PAX7: variants seen among roughly 807,000 people sequenced by gnomAD.
The protein encoded by PAX7 is paired box 7, also known as paired box protein Pax-7.
In PAX7, 18 loss-of-function variants were observed where a neutral mutation model predicts 50.7. That is an observed-to-expected ratio of 0.36 (90% CI 0.25 to 0.53). The LOEUF is 0.53. PAX7 is among the 20% of genes least tolerant of loss of function. The pLI is 0.93. For synonymous variants in PAX7, 310 were observed against 290.4 expected (o/e 1.07, Z -0.69); for missense variants, 644 against 702.9 (o/e 0.92, Z 0.95).
At chr1:18,731,373 C>G (rs2089645047) in intron 7 of PAX7, among the ~76,000 whole-genome samples, 1 of 152,202 alleles carries the variant, frequency 6.6e-6, no homozygotes, top group South Asian at 2.1e-4. Context: ...CTCTCCAGCA[C>G]AGCTGGTGGC....
At chr1:18,687,144 G>C (rs187792135) in intron 4 of PAX7, among the ~76,000 whole-genome samples, 128 of 152,122 alleles carry the variant, frequency 8.4e-4, no homozygotes, top group Middle Eastern at 3.4e-3. Flanking sequence ...ACCCGCCTCA[G>C]CCTCCCAAAG....
intron 4 of PAX7, among the ~76,000 whole-genome samples, chr1:18,665,914 C>T (rs922820548): frequency 2.0e-5 from 3 of 152,140 alleles, no homozygotes; most frequent in South Asian, 2.1e-4. Flanking sequence ...TCTGGTGATC[C>T]GCCTGCTTCA....
chr1:18,637,735 G>A (rs1277243870), intron 4 of PAX7, among the ~76,000 whole-genome samples: 1 of 152,280 alleles, frequency 6.6e-6, no homozygotes, highest in African/African-American at 2.4e-5. Flanking sequence ...GGGTGGCCGG[G>A]CAGCCCCGTG....
intron 5 of PAX7, among the ~76,000 whole-genome samples, chr1:18,694,410 G>T (rs1450893916): frequency 6.6e-6 from 1 of 151,734 alleles, no homozygotes; most frequent in Non-Finnish European, 1.5e-5. Flanking sequence ...AGTGAGCCGA[G>T]ATCATGCCAT....
Position 18,735,709 on chromosome 1 carries a change from C to A in PAX7, c.1233C>A (p.Gly411=), listed in dbSNP as rs531730771. ...ACTTCTCCATCTCCCCGCTGCATGG[C>A]GGCCTGGACTCGGCCACCTCCATCT... ...QADFSISPLH[G]GLDSATSISA... Residue 411 remains glycine (G), a synonymous_variant, in exon 8 of 9, where the codon GGC becomes GGA. Transcript: ENST00000420770. This position sits in a 1 kb window ranked among gnomAD's most constrained non-coding sequence, Gnocchi z 4.0. The A allele has an allele frequency of 8.7e-6, 14 of 1,614,114 alleles. No individual in the cohort carries two copies. The highest frequency in any genetic ancestry group is 6.7e-5 in the African/African-American group (5 of 75,062).
rs967363369 is a variant in PAX7 at position 18,729,839 on chromosome 1, C to A, written c.1156-5793C>A. 3.9e-5 allele frequency among the ~76,000 whole-genome samples: 6 copies of A among 152,294 alleles called. No individual in the cohort carries two copies. In the East Asian group the frequency reaches 5.8e-4, roughly 15 times the overall value. On this transcript the variant is annotated intron_variant, in intron 7 of 8. Transcript: ENST00000420770. ...TCCTGCTCCCTTTCCAGTGTGCAGG[C>A]CCCAGCTTCTGCGTGGGGACAGAAC...
Position 18,636,253 on chromosome 1 carries a change from T to C in PAX7, c.468T>C (p.Ile156=). 6.2e-7 allele frequency: 1 copy of C among 1,614,164 alleles called. No individual in the cohort carries two copies. Among genetic ancestry groups the C allele is most frequent in the African/African-American group, 1.3e-5 (1 of 75,068 alleles). Residue 156 remains isoleucine (I), a synonymous_variant, in exon 4 of 9, where the codon ATT becomes ATC. Transcript: ENST00000420770. The surrounding 1 kb of genome is among the most constrained non-coding windows in gnomAD (Gnocchi z 5.1). Reference sequence around the variant, plus strand: ...ATTTCTGAGGTTTAGTGAGTTCGATTAGCCGCGTGCTCAGAATCAAGTTCG... The same window carrying C: ...ATTTCTGAGGTTTAGTGAGTTCGATCAGCCGCGTGCTCAGAATCAAGTTCG... ...STVPSGLVSS[I]SRVLRIKFGK... is the part of the protein sequence containing the mutation.
intron 7 of PAX7, among the ~76,000 whole-genome samples, chr1:18,720,360 A>C (rs2089478729): frequency 6.6e-6 from 1 of 152,204 alleles, no homozygotes. Context: ...GCAGGAGAGC[A>C]AGGGAGGTGG....
chr1:18,646,802 G>T (rs943876345), intron 4 of PAX7, among the ~76,000 whole-genome samples: 1 of 151,690 alleles, frequency 6.6e-6, no homozygotes, highest in African/African-American at 2.4e-5. Flanking sequence ...AAGCGCTCCC[G>T]GCCTCCCGGC....
intron 7 of PAX7, among the ~76,000 whole-genome samples, chr1:18,724,048 G>A (rs1469427972): frequency 6.6e-6 from 1 of 152,182 alleles, no homozygotes; most frequent in Non-Finnish European, 1.5e-5. Context: ...TCTCAATGGG[G>A]CCCAGGGTTC....
intron 4 of PAX7, among the ~76,000 whole-genome samples, chr1:18,643,111 G>A (rs922074257): frequency 5.3e-5 from 8 of 152,222 alleles, no homozygotes; most frequent in Non-Finnish European, 1.2e-4. Context: ...TGCGCCCCAA[G>A]TCCAGCTCAA....
chr1:18,690,138 C>A (rs2089046017), intron 4 of PAX7, among the ~76,000 whole-genome samples: 1 of 152,216 alleles, frequency 6.6e-6, no homozygotes, highest in Non-Finnish European at 1.5e-5. Flanking sequence ...TTGCCCACTG[C>A]ATACCTAGCC....
At chr1:18,744,136 C>T (rs571406152) in intron 8 of PAX7, among the ~76,000 whole-genome samples, 21 of 152,132 alleles carry the variant, frequency 1.4e-4, no homozygotes, top group South Asian at 1.0e-3. Context: ...ACTTTGGCCT[C>T]GCAGCAAAGG....
Position 18,735,705 on chromosome 1 carries a change from A to G in PAX7, c.1229A>G (p.His410Arg), listed in dbSNP as rs1269976989. 1 of 1,614,052 alleles carries G rather than the reference A, an allele frequency of 6.2e-7. No homozygotes were observed. The highest frequency in any genetic ancestry group is 1.7e-5 in the Admixed American group (1 of 60,020). ...PQADFSISPL[H>R]GGLDSATSIS... is the part of the protein sequence containing the mutation. ...GCTGACTTCTCCATCTCCCCGCTGC[A>G]TGGCGGCCTGGACTCGGCCACCTCC... is the stretch of plus-strand genomic sequence containing the variant. Residue 410 changes from histidine (H) to arginine (R), a missense_variant, in exon 8 of 9, where the codon CAT becomes CGT. Physicochemically the swap from His to Arg is conservative, Grantham distance 29. Coordinates refer to ENST00000420770, the MANE Select transcript of PAX7 (RefSeq NM_001135254.2). The surrounding 1 kb of genome is among the most constrained non-coding windows in gnomAD (Gnocchi z 4.0).
At chr1:18,641,376 G>C (rs1467292839) in intron 4 of PAX7, among the ~76,000 whole-genome samples, 1 of 152,206 alleles carries the variant, frequency 6.6e-6, no homozygotes. Flanking sequence ...GCTGAGTGTT[G>C]GGGGGTGCCT....
chr1:18,630,971 C>G lies in PAX7; in HGVS notation c.-633C>G, dbSNP rs1372567416. On this transcript the variant is annotated 5_prime_UTR_variant, in exon 1 of 9. Transcript: ENST00000420770. ...TGAAACCCGAGGAGGCTCCTTCTTC[C>G]GTCTGTCCCCGGGTCTCCTAGGGGA... The G allele has an allele frequency of 1.4e-5, 3 of 216,482 alleles. No individual in the cohort carries two copies. In the South Asian group the frequency reaches 5.6e-4, roughly 40 times the overall value. 13.4% of individuals were successfully genotyped at this position (216,482 alleles called of 1,614,324 possible).
intron 7 of PAX7, among the ~76,000 whole-genome samples, chr1:18,725,979 A>AGTGTGTGTGT (rs112228737): frequency 2.4e-4 from 35 of 145,630 alleles, no homozygotes; most frequent in African/African-American, 8.6e-4. Context: ...ACATTGGAAG[A>AGTGTGTGTGT]GTGTGTGTGT....
At chr1:18,692,142 G>C (rs954683328) in intron 5 of PAX7, among the ~76,000 whole-genome samples, 189 bp downstream of exon 5, 3 of 152,086 alleles carry the variant, frequency 2.0e-5, no homozygotes, top group Non-Finnish European at 4.4e-5. Context: ...GGTTGACTGA[G>C]AGCTGGACAG....
Position 18,700,077 on chromosome 1 carries a change from C to CGTGTGT in PAX7, c.787-541_787-536dup, listed in dbSNP as rs66600721. Among the ~76,000 whole-genome samples the CGTGTGT allele has an allele frequency of 3.9e-3, 575 of 145,750 alleles. 2 individuals carry two copies. The highest frequency in any genetic ancestry group is 4.4e-3 in the Non-Finnish European group (293 of 65,924). On this transcript the variant is annotated intron_variant, in intron 5 of 8. Coordinates refer to ENST00000420770, the MANE Select transcript of PAX7 (RefSeq NM_001135254.2). The surrounding 1 kb of genome is among the most constrained non-coding windows in gnomAD (Gnocchi z 4.8). ...TTATCCCACTAATGTTTGATAAATC[C>CGTGTGT]GTGTGTGTGTGTGTGTGTGTGTGTG... is the stretch of plus-strand genomic sequence containing the variant.
Sources: allele counts gnomAD v4.1 joint callset (sites outside exome capture counted in the v4.1 genomes callset), GRCh38; gene constraint gnomAD v4.1.1; non-coding constraint Gnocchi (gnomAD v3.1); transcripts MANE v1.5; gene names NCBI Gene and HGNC (gene_info 2026-07-23, HGNC 2026-07-21).